GNB4: variants seen among roughly 807,000 people sequenced by gnomAD.
GNB4 encodes G protein subunit beta 4.
In GNB4, 28 loss-of-function variants were observed where a neutral mutation model predicts 45.2. The ratio of observed to expected loss-of-function variants is 0.62; its 90% CI spans 0.46 to 0.85. GNB4 has a LOEUF of 0.85. GNB4 is among the 40% of genes least tolerant of loss of function. The probability of loss-of-function intolerance (pLI) is 0.00; values close to 1 mark genes in which losing one functional copy is unlikely to be tolerated. For missense variants in GNB4, 321 were observed against 425.4 expected (o/e 0.75, Z 2.16); for synonymous variants, 132 against 143.7 (o/e 0.92, Z 0.58).
chr3:179,503,080 C>T, the GNB4 span, among the ~76,000 whole-genome samples: 127 of 152,372 alleles, frequency 8.3e-4, no homozygotes, highest in African/African-American at 2.9e-3. Context: ...GTGATCCTCC[C>T]ACCCAAAGGT....
chr3:179,502,993 A>G, the GNB4 span, among the ~76,000 whole-genome samples: 1 of 152,152 alleles, frequency 6.6e-6, no homozygotes, highest in Non-Finnish European at 1.5e-5. Context: ...GCACATGCCA[A>G]GATGCTGGTT....
In GNB4 at chr3:179,399,990, A is replaced by T. The variant is rs1323979404; in HGVS notation, c.*1223T>A. The T allele has an allele frequency of 6.6e-6, 1 of 152,232 alleles. No individual in the cohort carries two copies. The highest frequency in any genetic ancestry group is 1.5e-5 in the Non-Finnish European group (1 of 68,040). The allele number at this position is 152,232 out of a possible 1,614,324, so 9.4% of individuals were successfully genotyped here. On this transcript the variant is annotated 3_prime_UTR_variant, in exon 10 of 10. Coordinates refer to ENST00000232564, the MANE Select transcript of GNB4 (RefSeq NM_021629.4). ...TTAATATAGCTCTCTAACTCCTTTA[A>T]GAACTGCTTTAGGAATTTTTATTTT...
At chr3:179,433,852 A>C (rs1577037100) in intron 1 of GNB4, among the ~76,000 whole-genome samples, 1 of 152,244 alleles carries the variant, frequency 6.6e-6, no homozygotes, top group Non-Finnish European at 1.5e-5. Context: ...CAAAGATATG[A>C]ACTGGCAAAC....
the GNB4 span, among the ~76,000 whole-genome samples, chr3:179,465,950 C>T: frequency 2.0e-5 from 3 of 151,356 alleles, no homozygotes; most frequent in Non-Finnish European, 4.4e-5. Flanking sequence ...GCATGGGCCA[C>T]CCACGCCCAA....
At chr3:179,416,389 A>G (rs1206700625) in intron 5 of GNB4, 104 bp downstream of exon 5, 1 of 666,734 alleles carries the variant, frequency 1.5e-6, no homozygotes, top group African/African-American at 1.9e-5. Flanking sequence ...CAATAAATTT[A>G]TCTCAGAAAG....
the GNB4 span, among the ~76,000 whole-genome samples, chr3:179,483,596 G>T: frequency 6.6e-6 from 1 of 152,096 alleles, no homozygotes; most frequent in Non-Finnish European, 1.5e-5. Flanking sequence ...CTATATAGTA[G>T]ATTTACTTGA....
chr3:179,461,019 C>T, the GNB4 span, among the ~76,000 whole-genome samples: 13 of 152,030 alleles, frequency 8.6e-5, no homozygotes, highest in Non-Finnish European at 1.9e-4. Context: ...TTAATTCCAC[C>T]TGTGTCCAGG....
chr3:179,405,321 A>G lies in GNB4; in HGVS notation c.785T>C (p.Leu262Ser). ...LFDLRADQELLLYSHDNIICG... is the reference protein window; with the variant it reads ...LFDLRADQELSLYSHDNIICG... ...GATGATATTGTCATGAGAATACAATAATAACTCTTGATCTGCACGAAGGTC... is the reference window on the plus strand; with the variant it reads ...GATGATATTGTCATGAGAATACAATGATAACTCTTGATCTGCACGAAGGTC... The change falls in exon 9 of 10, where the codon TTA becomes TCA. Residue 262 changes from leucine to serine, a missense_variant. Leu to Ser is a moderately radical substitution (Grantham distance 145). Transcript: ENST00000232564. 6.2e-7 allele frequency: 1 copy of G among 1,614,198 alleles called. No individual in the cohort carries two copies. Among genetic ancestry groups the G allele is most frequent in the Non-Finnish European group, 8.5e-7 (1 of 1,179,988 alleles).
the GNB4 span, among the ~76,000 whole-genome samples, chr3:179,518,184 G>A: frequency 6.6e-6 from 1 of 152,012 alleles, no homozygotes; most frequent in Non-Finnish European, 1.5e-5. Context: ...AAACCTAAGT[G>A]CCTTATTTTC....
chr3:179,455,520 C>T (rs1444072921), upstream of GNB4, among the ~76,000 whole-genome samples: 1 of 152,202 alleles, frequency 6.6e-6, no homozygotes, highest in Non-Finnish European at 1.5e-5. Flanking sequence ...ATCTCTCAGA[C>T]TATGTCCGGG....
At chr3:179,472,776 A>G in the GNB4 span, among the ~76,000 whole-genome samples, 2 of 152,332 alleles carry the variant, frequency 1.3e-5, no homozygotes, top group African/African-American at 4.8e-5. Context: ...TGGAAAAGGG[A>G]GCATACTTTT....
At chr3:179,409,870 G>C (rs917694538) in intron 8 of GNB4, among the ~76,000 whole-genome samples, 2 of 150,370 alleles carry the variant, frequency 1.3e-5, no homozygotes, top group African/African-American at 4.9e-5. Flanking sequence ...CAGTGAATCC[G>C]AGTGATCAGT....
chr3:179,430,252 ATTTTCT>A (rs985986877), intron 1 of GNB4, among the ~76,000 whole-genome samples: 3 of 151,814 alleles, frequency 2.0e-5, no homozygotes, highest in Non-Finnish European at 4.4e-5. Context: ...CGTCAAGCTA[ATTTTCT>A]TTTTTCTTTT....
the GNB4 span, among the ~76,000 whole-genome samples, chr3:179,466,635 G>A: frequency 1.3e-5 from 2 of 152,146 alleles, no homozygotes; most frequent in African/African-American, 2.4e-5. Context: ...TATTAAACAT[G>A]GAGCAAGATG....
the GNB4 span, among the ~76,000 whole-genome samples, chr3:179,506,597 A>T: frequency 6.6e-6 from 1 of 152,168 alleles, no homozygotes; most frequent in Non-Finnish European, 1.5e-5. Flanking sequence ...GGCTTTATAA[A>T]AGAAAACTTG....
intron 4 of GNB4, among the ~76,000 whole-genome samples, chr3:179,417,939 C>T (rs1054981218): frequency 2.0e-5 from 3 of 152,004 alleles, no homozygotes; most frequent in Non-Finnish European, 4.4e-5. Flanking sequence ...GCATCATCAG[C>T]ATAAGAGTTG....
intron 1 of GNB4, among the ~76,000 whole-genome samples, chr3:179,435,470 C>CCAA (rs1382826482): frequency 2.1e-5 from 2 of 96,062 alleles, no homozygotes; most frequent in Non-Finnish European, 4.1e-5. Context: ...CTTTCTTTTA[C>CCAA]AAAAAAAAAA....
At chr3:179,493,958 C>CCCAT in the GNB4 span, among the ~76,000 whole-genome samples, 1 of 152,138 alleles carries the variant, frequency 6.6e-6, no homozygotes, top group African/African-American at 2.4e-5. Context: ...AGCTTGTGCA[C>CCCAT]CCATGGAGGC....
At chr3:179,452,234 C>T (rs1364134244), upstream of GNB4, among the ~76,000 whole-genome samples, 5 of 147,888 alleles carry the variant, frequency 3.4e-5, no homozygotes, top group African/African-American at 1.3e-4. Context: ...TTTTTTTTCA[C>T]ATTTATCTGG....
Sources: allele counts gnomAD v4.1 joint callset (sites outside exome capture counted in the v4.1 genomes callset), GRCh38; gene constraint gnomAD v4.1.1; transcripts MANE v1.5; gene names NCBI Gene and HGNC (gene_info 2026-07-23, HGNC 2026-07-21).